The following DLG1 variants were observed in gnomAD, a reference collection of about 807,000 sequenced individuals.
DLG1 encodes disks large homolog 1.
A neutral mutation model predicts 123.4 loss-of-function variants in DLG1; 42 were observed. The ratio of observed to expected loss-of-function variants is 0.34; its 90% CI spans 0.27 to 0.44. The LOEUF (loss-of-function observed/expected upper bound fraction) is 0.44. DLG1 is among the 20% of genes least tolerant of loss of function. The pLI is 1.00. For synonymous variants in DLG1, 317 were observed against 356.2 expected, an observed-to-expected ratio of 0.89 and a Z score of 1.24; for missense variants, 942 against 1,082.6, an observed-to-expected ratio of 0.87 and a Z score of 1.82.
chr3:197,265,324 T>C (rs1761201910), intron 4 of DLG1, among the ~76,000 whole-genome samples: 1 of 151,638 alleles, frequency 6.6e-6, no homozygotes, highest in Non-Finnish European at 1.5e-5. Context: ...CCAACCATAA[T>C]GGAATAAAAA....
At chr3:197,167,384 G>C (rs889244970) in intron 5 of DLG1, among the ~76,000 whole-genome samples, 1 of 152,138 alleles carries the variant, frequency 6.6e-6, no homozygotes, top group Non-Finnish European at 1.5e-5. Flanking sequence ...ATACAAAAGT[G>C]TCTCCTTTCA....
At chr3:197,248,300 C>T (rs1387229575) in intron 4 of DLG1, among the ~76,000 whole-genome samples, 1 of 152,146 alleles carries the variant, frequency 6.6e-6, no homozygotes, top group East Asian at 1.9e-4. Context: ...TACTTGGTTG[C>T]TGCGGTATCT....
At chr3:197,068,999 A>G (rs1741636100) in intron 19 of DLG1, among the ~76,000 whole-genome samples, 1 of 125,290 alleles carries the variant, frequency 8.0e-6, no homozygotes, top group Non-Finnish European at 1.8e-5. Flanking sequence ...TATCATGTAC[A>G]CAAATAATAT....
chr3:197,047,241 A>G (rs190978537), intron 24 of DLG1, among the ~76,000 whole-genome samples: 2 of 152,304 alleles, frequency 1.3e-5, no homozygotes, highest in Admixed American at 1.3e-4. Flanking sequence ...GAAAATACAC[A>G]CTGAAATATT....
chr3:197,261,949 G>A (rs993484247), intron 4 of DLG1, among the ~76,000 whole-genome samples: 10 of 152,166 alleles, frequency 6.6e-5, no homozygotes, highest in African/African-American at 2.4e-4. Context: ...TAGTGCAACA[G>A]TGCTCAGTAA....
chr3:197,236,355 A>T (rs1380633282), intron 4 of DLG1, among the ~76,000 whole-genome samples: 1 of 152,200 alleles, frequency 6.6e-6, no homozygotes, highest in Non-Finnish European at 1.5e-5. Context: ...TCTTTCAAGT[A>T]AACAACAGCT....
chr3:197,260,552 A>C (rs1326949182), intron 4 of DLG1: 1 of 161,668 alleles, frequency 6.2e-6, no homozygotes, highest in East Asian at 1.8e-4. Flanking sequence ...TATCCCACAA[A>C]ACACTGTGGA....
rs115648762 is a variant in DLG1, at chr3:197,053,394, T to C, written c.2484-1726A>G. Among the ~76,000 whole-genome samples the C allele has an allele frequency of 4.6e-3, 699 of 152,328 alleles. 5 individuals carry two copies. Among genetic ancestry groups the C allele is most frequent in the African/African-American group, 8.9e-3 (371 of 41,586 alleles). On this transcript the variant is annotated intron_variant, in intron 23 of 24. Coordinates refer to ENST00000667157, the MANE Select transcript of DLG1 (RefSeq NM_001366207.1). ...TTTTGAAGAATAGATTTGCCAGATA[T>C]AGGATTCTTTGTTGACAGTTAAATT...
rs569004449 is a variant in DLG1 at position 197,184,936 on chromosome 3, C to T, written c.483+9489G>A. ...TTATATATGCAGATTGGTGTATCCT[C>T]TCCCCATCAAAATGTTTACGGGCAG... On this transcript the variant is annotated intron_variant, in intron 5 of 24. Coordinates refer to ENST00000667157, the MANE Select transcript of DLG1 (RefSeq NM_001366207.1). Among the ~76,000 whole-genome samples, 19 of 152,272 alleles carry T rather than the reference C, an allele frequency of 1.2e-4. No individual in the cohort carries two copies. The South Asian group carries it at 3.1e-3, about 25-fold the overall frequency.
At chr3:197,190,389 G>C (rs1317517460) in intron 5 of DLG1, among the ~76,000 whole-genome samples, 7 of 152,048 alleles carry the variant, frequency 4.6e-5, no homozygotes, top group Non-Finnish European at 8.8e-5. Context: ...AAGTCCTGAA[G>C]TCAGCTATGC....
intron 10 of DLG1, among the ~76,000 whole-genome samples, chr3:197,132,333 C>T (rs1306091936): frequency 6.6e-6 from 1 of 151,388 alleles, no homozygotes; most frequent in Non-Finnish European, 1.5e-5. Context: ...ATCAATGTTT[C>T]CGTTTTAAAT....
At chr3:197,296,993 G>A in intron 2 of DLG1, 193 bp downstream of exon 2, 1 of 621,378 alleles carries the variant, frequency 1.6e-6, no homozygotes, top group East Asian at 3.4e-5. Context: ...CTAGAGAAAT[G>A]TTAAGAAAGT....
intron 22 of DLG1, among the ~76,000 whole-genome samples, chr3:197,063,538 T>A (rs1452280227): frequency 6.6e-6 from 1 of 152,220 alleles, no homozygotes; most frequent in Non-Finnish European, 1.5e-5. Flanking sequence ...TTCTTTTGCA[T>A]GTTGTGTATC....
At chr3:197,047,541 G>GA (rs34189947) in intron 24 of DLG1, among the ~76,000 whole-genome samples, 57,810 of 150,834 alleles carry the variant, frequency 0.38, 13,164 homozygotes, top group African/African-American at 0.63. Context: ...ACTTGAGGAG[G>GA]AAGTTAAAGG....
At chr3:197,234,532 A>G (rs1021595843) in intron 4 of DLG1, among the ~76,000 whole-genome samples, 2 of 152,238 alleles carry the variant, frequency 1.3e-5, no homozygotes, top group African/African-American at 4.8e-5. Flanking sequence ...TTAAACTGCC[A>G]TTATAATATG....
intron 4 of DLG1, among the ~76,000 whole-genome samples, chr3:197,216,640 G>A (rs73086600): frequency 0.016 from 2,433 of 152,282 alleles, 69 homozygotes; most frequent in African/African-American, 0.054. Flanking sequence ...CCTAGCACAT[G>A]ACAAAATTTC....
At chr3:197,177,980 C>T (rs1228178127) in intron 5 of DLG1, among the ~76,000 whole-genome samples, 1 of 152,162 alleles carries the variant, frequency 6.6e-6, no homozygotes, top group African/African-American at 2.4e-5. Flanking sequence ...TCTCTTCACT[C>T]ATTCAACAAA....
chr3:197,248,189 G>A (rs1023560722), intron 4 of DLG1, among the ~76,000 whole-genome samples: 1 of 152,166 alleles, frequency 6.6e-6, no homozygotes, highest in Non-Finnish European at 1.5e-5. Flanking sequence ...TTCTGACCAA[G>A]ATATACTTCA....
At chr3:197,067,927 CTG>C (rs1445843013) in intron 19 of DLG1, among the ~76,000 whole-genome samples, 16 of 152,072 alleles carry the variant, frequency 1.1e-4, no homozygotes, top group Non-Finnish European at 1.6e-4. Context: ...TTAGAAAAGA[CTG>C]TGTTAACCCA....
Sources: gnomAD v4.1 joint callset for allele counts (sites outside exome capture counted in the v4.1 genomes callset) on GRCh38, gnomAD v4.1.1 for gene constraint, MANE v1.5 for transcripts, NCBI Gene and HGNC (gene_info 2026-07-23, HGNC 2026-07-21) for gene names.